The following POLR3A variants were observed in gnomAD, a reference collection of about 807,000 sequenced individuals.
POLR3A encodes the protein RNA polymerase III subunit A.
In POLR3A, 112 loss-of-function variants were observed where a neutral mutation model predicts 152.8. The observed-to-expected ratio is 0.73, with a 90% CI of 0.63 to 0.86. The LOEUF (loss-of-function observed/expected upper bound fraction) is 0.86, where lower values mean the gene tolerates loss of function less well. Ranked by LOEUF, POLR3A falls within the 40% of genes least tolerant of loss-of-function variation. The probability of loss-of-function intolerance (pLI) is 0.00; values close to 1 mark genes in which losing one functional copy is unlikely to be tolerated. For synonymous variants in POLR3A, 615 were observed against 652.1 expected, an observed-to-expected ratio of 0.94 and a Z score of 0.87; for missense variants, 1,385 against 1,743.1, an observed-to-expected ratio of 0.79 and a Z score of 3.66.
In POLR3A at chr10:77,980,192, C is replaced by T. The variant is rs1847126746; in HGVS notation, c.3973G>A (p.Ala1325Thr). ...TAGGCAGCGTCAAAGAGATGGTCAG[C>T]CGTCTTCTCAAAGGAGGCCAGCATC... ...VLMLASFEKT[A>T]DHLFDAAYFG... The change falls in exon 30 of 31, where the codon GCT becomes ACT. Residue 1325 changes from alanine (A) to threonine (T), a missense_variant. Coordinates refer to ENST00000372371, the MANE Select transcript of POLR3A (RefSeq NM_007055.4). 2.5e-6 allele frequency: 4 copies of T among 1,613,880 alleles called. No homozygotes were observed. In the South Asian group the frequency reaches 3.3e-5, roughly 13 times the overall value.
intron 3 of POLR3A, 69 bp from the exon 4 acceptor site, chr10:78,025,211 C>T: frequency 6.4e-7 from 1 of 1,554,222 alleles, no homozygotes; most frequent in Non-Finnish European, 8.9e-7. Context: ...TTTAAAAATG[C>T]CATCGCCCTG....
intron 21 of POLR3A, among the ~76,000 whole-genome samples, chr10:77,989,195 G>A (rs12257333): frequency 0.08 from 12,236 of 152,214 alleles, 1,578 homozygotes; most frequent in African/African-American, 0.27. Context: ...TAGAGGGAAC[G>A]AACTCACAAC....
chr10:78,007,071 C>T (rs886665475), intron 15 of POLR3A, among the ~76,000 whole-genome samples: 1 of 150,490 alleles, frequency 6.6e-6, no homozygotes, highest in African/African-American at 2.4e-5. Flanking sequence ...ACCCTATCTT[C>T]AAAAAACAAA....
chr10:78,009,237 A>T (rs1847441161), intron 14 of POLR3A, among the ~76,000 whole-genome samples: 1 of 151,730 alleles, frequency 6.6e-6, no homozygotes, highest in Non-Finnish European at 1.5e-5. Flanking sequence ...CAAAAAGATG[A>T]CAAAATACAG....
intron 30 of POLR3A, among the ~76,000 whole-genome samples, chr10:77,978,856 G>A (rs1019742318): frequency 2.6e-5 from 4 of 151,362 alleles, no homozygotes; most frequent in African/African-American, 4.9e-5. Context: ...TAGAGACGGG[G>A]TCTCACCATC....
intron 5 of POLR3A, among the ~76,000 whole-genome samples, chr10:78,023,876 G>A (rs1276424592): frequency 6.6e-6 from 1 of 152,052 alleles, no homozygotes; most frequent in Non-Finnish European, 1.5e-5. Context: ...GGTGACCTAT[G>A]CCTGTAATCC....
At chr10:78,006,374 C>T (rs143342178) in intron 15 of POLR3A, among the ~76,000 whole-genome samples, 1,267 of 118,734 alleles carry the variant, frequency 0.011, 29 homozygotes, top group African/African-American at 0.041. Context: ...TCCAGCCTGG[C>T]GACTGAGCAA....
intron 1 of POLR3A, among the ~76,000 whole-genome samples, chr10:78,027,654 G>A (rs1847650002): frequency 6.6e-6 from 1 of 151,886 alleles, no homozygotes; most frequent in African/African-American, 2.4e-5. Flanking sequence ...GGGTTCAAGC[G>A]ATTCTCCTGC....
At chr10:78,010,112 G>A in intron 12 of POLR3A, 121 bp from the exon 13 acceptor site, 1 of 1,279,828 alleles carries the variant, frequency 7.8e-7, no homozygotes, top group Non-Finnish European at 1.1e-6. Context: ...ACAAACAGCT[G>A]CTTACTGGCT....
chr10:77,991,714 G>A (rs1181087904), intron 20 of POLR3A, among the ~76,000 whole-genome samples: 2 of 151,986 alleles, frequency 1.3e-5, no homozygotes, highest in South Asian at 2.1e-4. Flanking sequence ...TAGTAGAGAC[G>A]GGGTTTCACC....
At chr10:77,978,664 T>A (rs2131924177) in intron 30 of POLR3A, among the ~76,000 whole-genome samples, 1 of 150,662 alleles carries the variant, frequency 6.6e-6, no homozygotes, top group Non-Finnish European at 1.5e-5. Context: ...ATGCTAGTTT[T>A]TTTTTTTTTT....
chr10:77,988,948 A>G (rs1487583660), intron 21 of POLR3A, among the ~76,000 whole-genome samples: 10 of 152,192 alleles, frequency 6.6e-5, no homozygotes, highest in Non-Finnish European at 2.9e-5. Context: ...GGGACTGTGC[A>G]CACATAGGGA....
chr10:77,989,380 G>A (rs1429016828), intron 21 of POLR3A, among the ~76,000 whole-genome samples: 1 of 152,138 alleles, frequency 6.6e-6, no homozygotes, highest in Non-Finnish European at 1.5e-5. Context: ...AACATTTCAC[G>A]GGCTCAGACA....
chr10:77,986,498 A>G (rs913410057), intron 21 of POLR3A, among the ~76,000 whole-genome samples: 1 of 152,216 alleles, frequency 6.6e-6, no homozygotes, highest in Non-Finnish European at 1.5e-5. Context: ...ATAAGAACAC[A>G]GCTCAAGACA....
intron 19 of POLR3A, 82 bp downstream of exon 19, chr10:77,999,899 G>A: frequency 1.5e-6 from 2 of 1,344,772 alleles, no homozygotes; most frequent in South Asian, 1.2e-5. Flanking sequence ...TACAGCTCAT[G>A]TGCAAAACGT....
At position 78,023,838 on chromosome 10, in the gene POLR3A, G is replaced by A. The variant is rs1847603976; in HGVS notation, c.645+711C>T. On this transcript the variant is annotated intron_variant, in intron 5 of 30. Transcript: ENST00000372371. ...ATAATAATAAAAAAAAAGAACTGAG[G>A]TAAAAACACAAACAAGGGGCCAGGA... is the stretch of plus-strand genomic sequence containing the variant. Among the ~76,000 whole-genome samples the A allele has an allele frequency of 2.0e-5, 3 of 151,328 alleles. No homozygotes were observed. The South Asian group carries it at 6.3e-4, about 32-fold the overall frequency.
chr10:78,019,062 G>T, intron 9 of POLR3A, 100 bp downstream of exon 9: 1 of 866,700 alleles, frequency 1.2e-6, no homozygotes, highest in African/African-American at 1.6e-5. Context: ...AAAATGTCAC[G>T]CAAACTGTAT....
intron 1 of POLR3A, among the ~76,000 whole-genome samples, chr10:78,028,213 A>G (rs1847656098): frequency 6.6e-6 from 1 of 152,208 alleles, no homozygotes; most frequent in South Asian, 2.1e-4. Flanking sequence ...CACTGCCTAC[A>G]AGATGACTTC....
At position 78,029,461 on chromosome 10, in the gene POLR3A, C is replaced by T. The variant is rs369900507; in HGVS notation, c.-54G>A. 7 of 1,591,598 alleles carry T rather than the reference C, an allele frequency of 4.4e-6. No homozygotes were observed. The highest frequency in any genetic ancestry group is 5.2e-6 in the Non-Finnish European group (6 of 1,160,396). ...CACTCGGGAGGCCAGATTAGAGAAA[C>T]GATGCCCCCAGCACCTCCTGGGGCT... is the stretch of plus-strand genomic sequence containing the variant. On this transcript the variant is annotated 5_prime_UTR_variant, in exon 1 of 31. Coordinates refer to ENST00000372371, the MANE Select transcript of POLR3A (RefSeq NM_007055.4).
Sources: gnomAD v4.1 joint callset for allele counts (sites outside exome capture counted in the v4.1 genomes callset) on GRCh38, gnomAD v4.1.1 for gene constraint, MANE v1.5 for transcripts, NCBI Gene and HGNC (gene_info 2026-07-23, HGNC 2026-07-21) for gene names.